Variants in DCAF6 observed in about 807,000 individuals in gnomAD.
DCAF6 encodes the protein DDB1 and CUL4 associated factor 6, also known as DDB1- and CUL4-associated factor 6.
A neutral mutation model predicts 125.1 loss-of-function variants in DCAF6; 54 were observed. That is an observed-to-expected ratio of 0.43 (90% CI 0.35 to 0.54). The LOEUF (loss-of-function observed/expected upper bound fraction) is 0.54. Among genes scored for constraint, DCAF6 ranks in the 20% least tolerant of loss-of-function variants. The pLI, the probability that DCAF6 is intolerant of heterozygous loss-of-function variation, is 0.01. For synonymous variants in DCAF6, 371 were observed against 390.4 expected, an observed-to-expected ratio of 0.95 and a Z score of 0.58; for missense variants, 934 against 1,161.7, an observed-to-expected ratio of 0.80 and a Z score of 2.85.
At position 168,063,637 on chromosome 1, in the gene DCAF6, C is replaced by A; in HGVS notation, c.2317C>A (p.Arg773Ser). 1 of 1,585,124 alleles carries A rather than the reference C, an allele frequency of 6.3e-7. No individual in the cohort carries two copies. Among genetic ancestry groups the A allele is most frequent in the South Asian group, 1.2e-5 (1 of 85,250 alleles). ...DRIMRRSAVA[R>S]IQEFFRRRKE... ...TTCATATAGACGCTCTGCTGTTGCC[C>A]GTATTCAGGAGTTCTTCAGACGGAG... The change falls in exon 18 of 22, where the codon CGT becomes AGT. Residue 773 changes from arginine (R) to serine (S), a missense_variant. Physicochemically the swap from Arg to Ser is moderately radical, Grantham distance 110 (BLOSUM62 -1). Coordinates refer to ENST00000367840, the MANE Select transcript of DCAF6 (RefSeq NM_001198956.2).
At chr1:168,004,825 G>A in intron 10 of DCAF6, 32 bp downstream of exon 10, 1 of 1,586,182 alleles carries the variant, frequency 6.3e-7, no homozygotes, top group Non-Finnish European at 8.6e-7. Context: ...TTCATCTAAT[G>A]ATTTTTGATA....
chr1:167,899,475 C>G, the DCAF6 span: 2 of 1,614,118 alleles, frequency 1.2e-6, no homozygotes, highest in African/African-American at 2.7e-5. Context: ...GCTCCGGTCA[C>G]AGAGCTGCCA....
intron 19 of DCAF6, among the ~76,000 whole-genome samples, chr1:168,066,075 A>G (rs1384217849): frequency 6.6e-6 from 1 of 152,230 alleles, no homozygotes; most frequent in African/African-American, 2.4e-5. Flanking sequence ...AGCTGAATTA[A>G]TTTATCAGAA....
intron 7 of DCAF6, among the ~76,000 whole-genome samples, chr1:167,996,319 A>G (rs901016525): frequency 6.6e-6 from 1 of 150,620 alleles, no homozygotes; most frequent in African/African-American, 2.4e-5. Context: ...CACCTGCCCT[A>G]CCCCATTATT....
intron 3 of DCAF6, among the ~76,000 whole-genome samples, chr1:167,969,699 T>A (rs1200190751): frequency 2.0e-5 from 3 of 152,200 alleles, no homozygotes; most frequent in Admixed American, 2.0e-4. Context: ...TTGTCCTGGC[T>A]TAGCAAAAAA....
chr1:167,935,871 G>A (rs1671143853), upstream of DCAF6: 6 of 1,509,810 alleles, frequency 4.0e-6, no homozygotes, highest in Middle Eastern at 2.3e-4. Context: ...GCAGCCGGGT[G>A]GGAGCGTGGC....
intron 7 of DCAF6, among the ~76,000 whole-genome samples, chr1:168,000,251 A>G (rs1682387196): frequency 2.0e-5 from 3 of 152,138 alleles, no homozygotes; most frequent in African/African-American, 7.2e-5. Flanking sequence ...AAGCAATTAC[A>G]ATAGTAAGAT....
At chr1:168,014,467 T>C (rs907133753) in intron 10 of DCAF6, among the ~76,000 whole-genome samples, 1 of 152,220 alleles carries the variant, frequency 6.6e-6, no homozygotes, top group African/African-American at 2.4e-5. Flanking sequence ...TTAGACCTCT[T>C]CTGTGTCATC....
At chr1:168,053,777 G>T (rs1415706835) in intron 17 of DCAF6, among the ~76,000 whole-genome samples, 1 of 152,158 alleles carries the variant, frequency 6.6e-6, no homozygotes, top group Non-Finnish European at 1.5e-5. Flanking sequence ...AGGAAAGTAG[G>T]TGTTCACCAC....
At chr1:168,066,838 T>C (rs958502197) in intron 20 of DCAF6, among the ~76,000 whole-genome samples, 2 of 152,244 alleles carry the variant, frequency 1.3e-5, no homozygotes, top group Non-Finnish European at 2.9e-5. Flanking sequence ...TTTCCATTTT[T>C]AGTACAGCTA....
At chr1:168,061,488 T>A (rs1226045223) in intron 17 of DCAF6, among the ~76,000 whole-genome samples, 1 of 152,172 alleles carries the variant, frequency 6.6e-6, no homozygotes, top group Non-Finnish European at 1.5e-5. Context: ...TGTTTTAGAT[T>A]AAGCAGTATA....
chr1:167,908,780 C>T, the DCAF6 span, among the ~76,000 whole-genome samples: 1 of 152,064 alleles, frequency 6.6e-6, no homozygotes, highest in Non-Finnish European at 1.5e-5. Context: ...CTTAATCAAC[C>T]AAAATAATGA....
intron 12 of DCAF6, among the ~76,000 whole-genome samples, chr1:168,035,048 A>G (rs561867141): frequency 6.6e-6 from 1 of 152,358 alleles, no homozygotes. Flanking sequence ...AGAAAATGTA[A>G]CCTGATAGGT....
At chr1:168,002,004 A>G (rs964651239) in intron 7 of DCAF6, among the ~76,000 whole-genome samples, 3 of 152,206 alleles carry the variant, frequency 2.0e-5, no homozygotes, top group African/African-American at 7.2e-5. Flanking sequence ...AAGGGTCGCA[A>G]TAGATTCTGT....
intron 7 of DCAF6, among the ~76,000 whole-genome samples, chr1:167,996,640 G>T (rs777529905): frequency 1.3e-5 from 2 of 152,168 alleles, no homozygotes; most frequent in Non-Finnish European, 2.9e-5. Context: ...CGGACCTAAA[G>T]CAAAACTGAA....
chr1:168,058,329 T>A (rs556642457), intron 17 of DCAF6, among the ~76,000 whole-genome samples: 2 of 152,348 alleles, frequency 1.3e-5, no homozygotes, highest in South Asian at 4.1e-4. Context: ...TACCAAGGAA[T>A]GGACCATTTA....
chr1:167,968,953 T>C (rs1557905949), intron 3 of DCAF6, among the ~76,000 whole-genome samples: 1 of 152,232 alleles, frequency 6.6e-6, no homozygotes, highest in Non-Finnish European at 1.5e-5. Flanking sequence ...TGAAATTTAC[T>C]TCATTAATAT....
chr1:168,012,636 T>C (rs182131307), intron 10 of DCAF6, among the ~76,000 whole-genome samples: 50 of 152,342 alleles, frequency 3.3e-4, no homozygotes, highest in African/African-American at 8.2e-4. Context: ...AGAACTGTTA[T>C]TTAGTCTGTT....
upstream of DCAF6, among the ~76,000 whole-genome samples, chr1:167,932,695 G>T (rs1670942774): frequency 6.6e-6 from 1 of 151,556 alleles, no homozygotes; most frequent in Non-Finnish European, 1.5e-5. Flanking sequence ...TGTAATCCCA[G>T]CTACTCAGGA....
Sources: gnomAD v4.1 joint callset for allele counts (sites outside exome capture counted in the v4.1 genomes callset) on GRCh38, gnomAD v4.1.1 for gene constraint, MANE v1.5 for transcripts, NCBI Gene and HGNC (gene_info 2026-07-23, HGNC 2026-07-21) for gene names.